The following ASB3 variants were observed in gnomAD, a reference collection of about 807,000 sequenced individuals.
The protein encoded by ASB3 is ankyrin repeat and SOCS box containing 3, also known as ankyrin repeat and SOCS box protein 3.
A neutral mutation model predicts 54.5 loss-of-function variants in ASB3; 41 were observed. The observed-to-expected ratio is 0.75, with a 90% CI of 0.59 to 0.98. The LOEUF is 0.98. ASB3 is among the 50% of genes least tolerant of loss of function. The pLI, the probability that ASB3 is intolerant of heterozygous loss-of-function variation, is 0.00. For synonymous variants in ASB3, 266 were observed against 221.2 expected, an observed-to-expected ratio of 1.20 and a Z score of -1.80; for missense variants, 733 against 620.0, an observed-to-expected ratio of 1.18 and a Z score of -1.94.
intron 8 of ASB3, chr2:53,694,616 C>T (rs1000058242): frequency 1.1e-4 from 16 of 152,066 alleles, no homozygotes; most frequent in African/African-American, 3.6e-4. Flanking sequence ...TTCAAAATAA[C>T]GTCAGATTCC....
chr2:53,689,111 T>C (rs1183486857), intron 9 of ASB3, among the ~76,000 whole-genome samples: 2 of 151,986 alleles, frequency 1.3e-5, no homozygotes, highest in East Asian at 1.9e-4. Flanking sequence ...TAGTGCTATA[T>C]TAAGAGTTAA....
chr2:53,743,054 T>C (rs570301759), intron 3 of ASB3, among the ~76,000 whole-genome samples: 2 of 152,288 alleles, frequency 1.3e-5, no homozygotes, highest in South Asian at 2.1e-4. Flanking sequence ...GAATGGATCA[T>C]CATTTTTAAA....
intron 8 of ASB3, among the ~76,000 whole-genome samples, chr2:53,696,543 T>C (rs1221763966): frequency 6.6e-6 from 1 of 152,144 alleles, no homozygotes; most frequent in Non-Finnish European, 1.5e-5. Flanking sequence ...TCCCCCTGCT[T>C]AGGTTTTTCC....
intron 9 of ASB3, among the ~76,000 whole-genome samples, chr2:53,682,286 A>G (rs577663563): frequency 6.6e-6 from 1 of 152,136 alleles, no homozygotes; most frequent in South Asian, 2.1e-4. Context: ...AACAATATTG[A>G]TTCTTTCAAT....
intron 1 of ASB3, among the ~76,000 whole-genome samples, chr2:53,781,030 T>C (rs1223064423): frequency 6.6e-6 from 1 of 152,200 alleles, no homozygotes; most frequent in African/African-American, 2.4e-5. Flanking sequence ...TGTAGTATCA[T>C]TTATTGAACA....
chr2:53,735,998 T>TAA lies in ASB3; in HGVS notation c.356-6430_356-6429dup, dbSNP rs201138986. Among the ~76,000 whole-genome samples the TAA allele has an allele frequency of 2.2e-3, 211 of 96,224 alleles. 2 individuals carry two copies. The East Asian group carries it at 0.024, about 11-fold the overall frequency. The allele number at this position is 96,224 out of a possible 152,430, so 63.1% of individuals were successfully genotyped here. A position where few individuals can be genotyped will look rare whatever the true frequency, so the allele number is the denominator to read the frequency against. On this transcript the variant is annotated intron_variant, in intron 3 of 9. Coordinates refer to ENST00000263634, the MANE Select transcript of ASB3 (RefSeq NM_016115.5). ...TTGGATTTAGAAACAACAAACCTTC[T>TAA]AAAAAAAAAAAAAAAAGAAAGGAAA...
intron 5 of ASB3, among the ~76,000 whole-genome samples, chr2:53,726,076 A>G (rs918749817): frequency 6.6e-6 from 1 of 152,138 alleles, no homozygotes; most frequent in Non-Finnish European, 1.5e-5. Flanking sequence ...GGTTGGAAAC[A>G]TGTATAGTTA....
intron 5 of ASB3, among the ~76,000 whole-genome samples, chr2:53,728,352 A>T (rs10201938): frequency 1.3e-5 from 2 of 151,490 alleles, no homozygotes; most frequent in Non-Finnish European, 2.9e-5. Flanking sequence ...AGCCTTAATA[A>T]ACAAAATAGC....
Position 53,735,519 on chromosome 2 carries a change from CATAGAT to C in ASB3, c.356-5955_356-5950del, listed in dbSNP as rs140539154. The stretch of plus-strand genomic sequence containing the variant: ...AAAAAAAAGTAGAATACACCATGTT[CATAGAT>C]ATAAAGATTCACTATTTTAAAAATA... On this transcript the variant is annotated intron_variant, in intron 3 of 9. Transcript: ENST00000263634. Among the ~76,000 whole-genome samples, 119 of 147,988 alleles carry C rather than the reference CATAGAT, an allele frequency of 8.0e-4. 1 individual carries two copies. The East Asian group carries it at 0.02, about 25-fold the overall frequency.
intron 3 of ASB3, among the ~76,000 whole-genome samples, chr2:53,739,599 C>G (rs1011375694): frequency 2.6e-5 from 4 of 152,122 alleles, no homozygotes; most frequent in Non-Finnish European, 4.4e-5. Flanking sequence ...CAATTATAAA[C>G]ACAATTTTGT....
chr2:53,710,878 G>A, intron 7 of ASB3, among the ~76,000 whole-genome samples: 2 of 151,978 alleles, frequency 1.3e-5, no homozygotes, highest in Non-Finnish European at 2.9e-5. Flanking sequence ...TGTAATCCCA[G>A]CACTTTGAGA....
rs868404692 is a variant in ASB3, at chr2:53,720,867, T to C, written c.605-4124A>G. ...CATCTCAATAAATTTAAAAAACTGA[T>C]TCACTTGTGAGGCCGAGATGGGCAG... On this transcript the variant is annotated intron_variant, in intron 5 of 9. Coordinates refer to ENST00000263634, the MANE Select transcript of ASB3 (RefSeq NM_016115.5). 3.0e-4 allele frequency among the ~76,000 whole-genome samples: 46 copies of C among 152,020 alleles called. 1 individual carries two copies. The highest frequency in any genetic ancestry group is 5.2e-4 in the Non-Finnish European group (35 of 67,942).
At chr2:53,752,408 C>G (rs916596690) in intron 2 of ASB3, among the ~76,000 whole-genome samples, 1 of 152,182 alleles carries the variant, frequency 6.6e-6, no homozygotes, top group Non-Finnish European at 1.5e-5. Flanking sequence ...GGTTCCCACC[C>G]CACAGATTGA....
chr2:53,700,232 C>T (rs754030297), intron 8 of ASB3, 39 bp downstream of exon 8: 3 of 1,585,636 alleles, frequency 1.9e-6, no homozygotes, highest in African/African-American at 1.4e-5. Context: ...AGTATATTCA[C>T]TCAAAAAGGG....
At chr2:53,700,215 T>G (rs1414478888) in intron 8 of ASB3, 56 bp downstream of exon 8, 3 of 1,555,534 alleles carry the variant, frequency 1.9e-6, no homozygotes, top group Admixed American at 3.9e-5. Flanking sequence ...TGAAGGAAAT[T>G]AAAGGTAGTA....
intron 1 of ASB3, among the ~76,000 whole-genome samples, chr2:53,766,243 C>T (rs1025360659): frequency 1.3e-5 from 2 of 152,156 alleles, no homozygotes; most frequent in Non-Finnish European, 2.9e-5. Context: ...CCTACATAGC[C>T]CAGAAAGTTC....
intron 3 of ASB3, among the ~76,000 whole-genome samples, chr2:53,736,826 C>T (rs1169419138): frequency 6.6e-6 from 1 of 151,706 alleles, no homozygotes; most frequent in Non-Finnish European, 1.5e-5. Flanking sequence ...AACCCAGTCT[C>T]TATTAAAATA....
At chr2:53,729,027 C>T (rs2103905600) in intron 4 of ASB3, among the ~76,000 whole-genome samples, 180 bp from the exon 5 acceptor site, 1 of 152,064 alleles carries the variant, frequency 6.6e-6, no homozygotes, top group Non-Finnish European at 1.5e-5. Context: ...TCAGATTATC[C>T]TATATTTCTA....
At chr2:53,704,512 A>C (rs1669665517) in intron 7 of ASB3, among the ~76,000 whole-genome samples, 1 of 152,192 alleles carries the variant, frequency 6.6e-6, no homozygotes, top group Non-Finnish European at 1.5e-5. Context: ...TAAGATGCTT[A>C]CTTATCAAAA....
Sources: gnomAD v4.1 joint callset for allele counts (sites outside exome capture counted in the v4.1 genomes callset) on GRCh38, gnomAD v4.1.1 for gene constraint, MANE v1.5 for transcripts, NCBI Gene and HGNC (gene_info 2026-07-23, HGNC 2026-07-21) for gene names.